The following SMAP1 variants were observed in gnomAD, a reference collection of about 807,000 sequenced individuals.
SMAP1 encodes the protein small ArfGAP 1, also known as stromal membrane-associated protein 1.
In SMAP1, 24 loss-of-function variants were observed where a neutral mutation model predicts 58.5. The ratio of observed to expected loss-of-function variants is 0.41; its 90% CI spans 0.30 to 0.58. SMAP1 has a LOEUF of 0.58. Among genes scored for constraint, SMAP1 ranks in the 20% least tolerant of loss-of-function variants. The pLI is 0.29. For missense variants in SMAP1, 563 were observed against 566.3 expected (o/e 0.99, Z 0.06); for synonymous variants, 216 against 196.6 (o/e 1.10, Z -0.82).
At chr6:70,698,296 T>C (rs1767493321) in intron 1 of SMAP1, among the ~76,000 whole-genome samples, 1 of 152,234 alleles carries the variant, frequency 6.6e-6, no homozygotes, top group Non-Finnish European at 1.5e-5. Context: ...CTTTGTATGT[T>C]ACTTGTTTCT....
At chr6:70,819,123 G>A (rs557743188) in intron 6 of SMAP1, among the ~76,000 whole-genome samples, 1 of 151,998 alleles carries the variant, frequency 6.6e-6, no homozygotes, top group Admixed American at 6.6e-5. Flanking sequence ...TCAAGATATG[G>A]TCTTTCGTAG....
rs1283931310 is a variant in SMAP1 at position 70,667,973 on chromosome 6, C to T, written c.-51C>T. 19 of 1,498,212 alleles carry T rather than the reference C, an allele frequency of 1.3e-5. No homozygotes were observed. Among genetic ancestry groups the T allele is most frequent in the Non-Finnish European group, 1.6e-5 (18 of 1,109,220 alleles). The allele number at this position is 1,498,212 out of a possible 1,614,324, so 92.8% of individuals were successfully genotyped here. Reference sequence around the variant, plus strand: ...TGCGTTCACTCTGCCCGGCTCCAGCCAGCGTCCGCCGCCGCCGTAGCTGCC... The same window carrying T: ...TGCGTTCACTCTGCCCGGCTCCAGCTAGCGTCCGCCGCCGCCGTAGCTGCC... On this transcript the variant is annotated 5_prime_UTR_variant, in exon 1 of 11. Coordinates refer to ENST00000370455, the MANE Select transcript of SMAP1 (RefSeq NM_001044305.3).
chr6:70,718,299 AAG>A (rs1203430663), intron 1 of SMAP1, among the ~76,000 whole-genome samples: 1 of 152,178 alleles, frequency 6.6e-6, no homozygotes, highest in East Asian at 1.9e-4. Context: ...TGAATTTGAA[AAG>A]AGAAGATAAA....
chr6:70,673,511 A>G (rs1766353169), intron 1 of SMAP1, among the ~76,000 whole-genome samples: 1 of 152,224 alleles, frequency 6.6e-6, no homozygotes, highest in Non-Finnish European at 1.5e-5. Flanking sequence ...AGCCAATCCA[A>G]GAGTTCATGT....
chr6:70,671,048 A>T (rs1476994253), intron 1 of SMAP1, among the ~76,000 whole-genome samples: 1 of 152,226 alleles, frequency 6.6e-6, no homozygotes, highest in Admixed American at 6.5e-5. Flanking sequence ...ACTCAGTGGG[A>T]GTTTAAAGCA....
At chr6:70,786,601 C>T (rs1768043801) in intron 4 of SMAP1, among the ~76,000 whole-genome samples, 1 of 151,946 alleles carries the variant, frequency 6.6e-6, no homozygotes. Context: ...GCAACTTCAG[C>T]AAAGTCTCAG....
intron 2 of SMAP1, among the ~76,000 whole-genome samples, chr6:70,751,934 C>T (rs1047477807): frequency 2.6e-5 from 4 of 152,046 alleles, no homozygotes; most frequent in Admixed American, 6.6e-5. Context: ...GTCTGCTTGA[C>T]GTAGCTTTGG....
chr6:70,800,268 TG>T (rs992737308), intron 6 of SMAP1, among the ~76,000 whole-genome samples: 3 of 151,788 alleles, frequency 2.0e-5, no homozygotes, highest in African/African-American at 7.3e-5. Flanking sequence ...CACTCCAGCA[TG>T]GGTAACACAG....
intron 1 of SMAP1, among the ~76,000 whole-genome samples, chr6:70,731,348 A>G (rs1765424309): frequency 6.6e-6 from 1 of 152,206 alleles, no homozygotes; most frequent in Non-Finnish European, 1.5e-5. Context: ...GTATTCTTGT[A>G]TTCATATGTG....
chr6:70,813,048 G>C (rs2149972179), intron 6 of SMAP1, among the ~76,000 whole-genome samples: 1 of 152,060 alleles, frequency 6.6e-6, no homozygotes, highest in South Asian at 2.1e-4. Context: ...CTTACTGCCT[G>C]GAGTCTCACC....
chr6:70,766,015 G>A (rs1042149235), intron 3 of SMAP1, among the ~76,000 whole-genome samples: 4 of 151,110 alleles, frequency 2.6e-5, no homozygotes, highest in East Asian at 2.0e-4. Context: ...TTGTTCTTGC[G>A]ATAGTTTACT....
At chr6:70,796,532 T>C (rs1276268895) in intron 5 of SMAP1, among the ~76,000 whole-genome samples, 2 of 152,200 alleles carry the variant, frequency 1.3e-5, no homozygotes, top group Non-Finnish European at 1.5e-5. Context: ...TAAGTGGTAG[T>C]TGTGTTTTGG....
At chr6:70,858,354 ATATGT>A (rs1164635883) in intron 10 of SMAP1, 125 bp downstream of exon 10, 2 of 820,072 alleles carry the variant, frequency 2.4e-6, no homozygotes, top group Non-Finnish European at 3.6e-6. Flanking sequence ...AATAGGGATA[ATATGT>A]TATAGGGTCA....
rs565808742 is a variant in SMAP1 at position 70,767,769 on chromosome 6, C to G, written c.339-5581C>G. 6.5e-5 allele frequency among the ~76,000 whole-genome samples: 9 copies of G among 138,636 alleles called. No homozygotes were observed. In the East Asian group the frequency reaches 1.8e-3, roughly 28 times the overall value. The allele number at this position is 138,636 out of a possible 152,430, so 91.0% of individuals were successfully genotyped here. The stretch of plus-strand genomic sequence containing the variant: ...CCTTCTCCTGCCTAATTGCCCTGGC[C>G]AGAACTTCCAACACTATGTTGAATA... On this transcript the variant is annotated intron_variant, in intron 3 of 10. Coordinates refer to ENST00000370455, the MANE Select transcript of SMAP1 (RefSeq NM_001044305.3).
chr6:70,826,743 G>A (rs1770137919), intron 6 of SMAP1, among the ~76,000 whole-genome samples: 1 of 151,878 alleles, frequency 6.6e-6, no homozygotes, highest in African/African-American at 2.4e-5. Context: ...ATGACAGAGT[G>A]AGGCTCTGTC....
At chr6:70,773,476 C>T in intron 4 of SMAP1, 51 bp downstream of exon 4, 1 of 1,052,820 alleles carries the variant, frequency 9.5e-7, no homozygotes, top group Non-Finnish European at 1.4e-6. Flanking sequence ...AGATTTCAAA[C>T]TTTTAACATG....
rs1242854218 is a variant in SMAP1 at position 70,721,778 on chromosome 6, C to T, written c.119-10600C>T. On this transcript the variant is annotated intron_variant, in intron 1 of 10. Coordinates refer to ENST00000370455, the MANE Select transcript of SMAP1 (RefSeq NM_001044305.3). ...AAAGGCACTTCTTACATGGCAGCAG[C>T]AAAAGAAAATGAGGAAGAAGCAAAA... is the stretch of plus-strand genomic sequence containing the variant. Among the ~76,000 whole-genome samples the T allele has an allele frequency of 3.9e-5, 6 of 152,158 alleles. No individual in the cohort carries two copies. The East Asian group carries it at 5.8e-4, about 15-fold the overall frequency.
Position 70,858,074 on chromosome 6 carries a change from A to G in SMAP1, c.1114A>G (p.Met372Val). 1.9e-6 allele frequency: 3 copies of G among 1,614,100 alleles called. No homozygotes were observed. Among genetic ancestry groups the G allele is most frequent in the Non-Finnish European group, 2.5e-6 (3 of 1,179,998 alleles). The change falls in exon 10 of 11, where the codon ATG becomes GTG. Residue 372 changes from methionine to valine, a missense_variant. This residue lies in a region of SMAP1 where 494 missense variants were observed against 473.8 expected (regional missense o/e 1.04). Transcript: ENST00000370455. ...QSPSMMVGMP[M>V]PNGFMGNAQT... ...TCCAAGCATGATGGTGGGCATGCCC[A>G]TGCCCAATGGGTTTATGGGAAATGC...
At chr6:70,711,821 A>G (rs1768070228) in intron 1 of SMAP1, among the ~76,000 whole-genome samples, 1 of 152,136 alleles carries the variant, frequency 6.6e-6, no homozygotes, top group South Asian at 2.1e-4. Flanking sequence ...CCTAATATGT[A>G]TATATTTTTA....
Sources: allele counts gnomAD v4.1 joint callset (sites outside exome capture counted in the v4.1 genomes callset), GRCh38; gene constraint gnomAD v4.1.1; regional missense constraint gnomAD v4.1.1; transcripts MANE v1.5; gene names NCBI Gene and HGNC (gene_info 2026-07-23, HGNC 2026-07-21).